PCDH7: variants seen among roughly 807,000 people sequenced by gnomAD.
The protein encoded by PCDH7 is protocadherin 7.
PCDH7 carries 17 observed loss-of-function variants against 58.9 expected under a neutral mutation model. The ratio of observed to expected loss-of-function variants is 0.29; its 90% CI spans 0.20 to 0.43. PCDH7 has a LOEUF of 0.43. Among genes scored for constraint, PCDH7 ranks in the 20% least tolerant of loss-of-function variants. PCDH7 has a pLI of 1.00. For synonymous variants in PCDH7, 664 were observed against 616.4 expected (o/e 1.08, Z -1.14); for missense variants, 1,274 against 1,441.0 (o/e 0.88, Z 1.88).
intron 1 of PCDH7, among the ~76,000 whole-genome samples, chr4:30,830,626 T>C (rs1409984611): frequency 2.0e-5 from 3 of 152,076 alleles, no homozygotes; most frequent in Admixed American, 6.6e-5. Context: ...TCTGCAGTGC[T>C]AACACTAATA....
intron 1 of PCDH7, among the ~76,000 whole-genome samples, chr4:30,907,436 C>A (rs1255919864): frequency 1.3e-5 from 2 of 152,104 alleles, no homozygotes; most frequent in Non-Finnish European, 2.9e-5. Flanking sequence ...AAAAAGTGGG[C>A]AAAGAATATG....
chr4:30,810,000 G>A (rs192314437), intron 1 of PCDH7, among the ~76,000 whole-genome samples: 22 of 152,028 alleles, frequency 1.4e-4, no homozygotes, highest in Non-Finnish European at 2.9e-4. Context: ...CAGTGTGGCA[G>A]GATTACAGGT....
chr4:30,779,216 G>T (rs537225574), intron 1 of PCDH7, among the ~76,000 whole-genome samples: 4 of 151,558 alleles, frequency 2.6e-5, no homozygotes, highest in Non-Finnish European at 5.9e-5. Context: ...GTAGAGACGG[G>T]GTTTTGCCAT....
At chr4:31,056,619 AAGACAG>A (rs1166125136) in intron 3 of PCDH7, among the ~76,000 whole-genome samples, 4 of 146,792 alleles carry the variant, frequency 2.7e-5, no homozygotes, top group Admixed American at 6.8e-5. Flanking sequence ...GAGAGAGTGA[AAGACAG>A]AGAGAGAGAG....
chr4:30,870,153 TGTTTAA>T (rs1735389498), intron 1 of PCDH7, among the ~76,000 whole-genome samples: 1 of 152,170 alleles, frequency 6.6e-6, no homozygotes, highest in African/African-American at 2.4e-5. Flanking sequence ...CTTGTAACTT[TGTTTAA>T]GTTTGTTTTA....
chr4:30,846,638 T>A (rs975785456), intron 1 of PCDH7, among the ~76,000 whole-genome samples: 1 of 152,174 alleles, frequency 6.6e-6, no homozygotes, highest in African/African-American at 2.4e-5. Flanking sequence ...GTTCCAATAG[T>A]GCCACCCAAG....
downstream of PCDH7, among the ~76,000 whole-genome samples, chr4:30,736,382 A>G (rs1018274071): frequency 1.3e-5 from 2 of 152,182 alleles, no homozygotes; most frequent in Non-Finnish European, 2.9e-5. Flanking sequence ...TAAAGATTAA[A>G]TGGAATTAAA....
chr4:31,126,111 C>T (rs2109330132), intron 3 of PCDH7, among the ~76,000 whole-genome samples: 1 of 149,824 alleles, frequency 6.7e-6, no homozygotes, highest in Admixed American at 6.6e-5. Context: ...TAGAACAGTG[C>T]TTGACATATC....
At chr4:31,127,401 T>C (rs1045578203) in intron 3 of PCDH7, among the ~76,000 whole-genome samples, 1 of 152,198 alleles carries the variant, frequency 6.6e-6, no homozygotes, top group African/African-American at 2.4e-5. Flanking sequence ...GATTAATACT[T>C]AGGCATTAGA....
At chr4:30,921,380 G>T (rs888116301) in intron 2 of PCDH7, among the ~76,000 whole-genome samples, 1 of 151,960 alleles carries the variant, frequency 6.6e-6, no homozygotes, top group Non-Finnish European at 1.5e-5. Flanking sequence ...TTATATATCC[G>T]TTTCTTTAGT....
intron 1 of PCDH7, chr4:30,884,825 C>G (rs893527436): frequency 6.6e-6 from 1 of 151,944 alleles, no homozygotes. Context: ...ATCTGGGTCA[C>G]TCAGGAGGTC....
intron 1 of PCDH7, among the ~76,000 whole-genome samples, chr4:30,772,511 G>A (rs1373920690): frequency 6.6e-6 from 1 of 152,150 alleles, no homozygotes; most frequent in Non-Finnish European, 1.5e-5. Context: ...CTACAAAACT[G>A]CTACTGTGTT....
intron 3 of PCDH7, among the ~76,000 whole-genome samples, chr4:31,032,027 T>C (rs1368862705): frequency 6.6e-6 from 1 of 152,240 alleles, no homozygotes; most frequent in East Asian, 1.9e-4. Flanking sequence ...ATAGAGCTAC[T>C]TATTTTATTT....
intron 1 of PCDH7, among the ~76,000 whole-genome samples, chr4:30,817,118 T>C (rs554280701): frequency 3.8e-4 from 58 of 152,316 alleles, no homozygotes; most frequent in African/African-American, 1.3e-3. Flanking sequence ...AATAAAAGCA[T>C]GACAGTTGTG....
chr4:31,084,289 AGGTT>A (rs1270624316), intron 3 of PCDH7, among the ~76,000 whole-genome samples: 1 of 152,206 alleles, frequency 6.6e-6, no homozygotes, highest in African/African-American at 2.4e-5. Flanking sequence ...AAATATGTAA[AGGTT>A]GGAAAATAGA....
At position 30,996,182 on chromosome 4, in the gene PCDH7, T is replaced by C. The variant is rs536136505; in HGVS notation, c.*7+45967T>C. On this transcript the variant is annotated intron_variant, in intron 3 of 3. Coordinates refer to the PCDH7 transcript ENST00000509759. ...ACTTTTTCCTTTGTTTCCCTTTTGA[T>C]ACTAATTTTCCTTATCGTCTAACAC... Among the ~76,000 whole-genome samples the C allele has an allele frequency of 1.7e-4, 26 of 152,338 alleles. 1 individual carries two copies. In the South Asian group the frequency reaches 5.0e-3, roughly 29 times the overall value.
intron 3 of PCDH7, among the ~76,000 whole-genome samples, chr4:30,979,375 A>G (rs189565304): frequency 6.6e-6 from 1 of 152,004 alleles, no homozygotes; most frequent in Admixed American, 6.6e-5. Flanking sequence ...ACTACCTGAA[A>G]TTGAAGCTGA....
intron 3 of PCDH7, among the ~76,000 whole-genome samples, chr4:31,023,478 T>C (rs1754187387): frequency 6.6e-6 from 1 of 152,216 alleles, no homozygotes. Context: ...AGCAGTATAA[T>C]TTCAACATTT....
chr4:31,141,016 G>T (rs16884408), intron 3 of PCDH7, among the ~76,000 whole-genome samples: 7,395 of 152,138 alleles, frequency 0.049, 339 homozygotes, highest in African/African-American at 0.12. Flanking sequence ...TAATCGATGG[G>T]CCGACAAATG....
Sources: gnomAD v4.1 joint callset for allele counts (sites outside exome capture counted in the v4.1 genomes callset) on GRCh38, gnomAD v4.1.1 for gene constraint, MANE v1.5 for transcripts, NCBI Gene and HGNC (gene_info 2026-07-23, HGNC 2026-07-21) for gene names.